AK5: variants seen among roughly 807,000 people sequenced by gnomAD.
AK5 encodes the protein adenylate kinase isoenzyme 5.
A neutral mutation model predicts 69.5 loss-of-function variants in AK5; 27 were observed. That is an observed-to-expected ratio of 0.39 (90% CI 0.29 to 0.54). The LOEUF is 0.54. Ranked by LOEUF, AK5 falls within the 20% of genes least tolerant of loss-of-function variation. AK5 has a pLI of 0.71. For missense variants in AK5, 531 were observed against 700.4 expected, an observed-to-expected ratio of 0.76 and a Z score of 2.73; for synonymous variants, 260 against 244.4, an observed-to-expected ratio of 1.06 and a Z score of -0.60.
intron 5 of AK5, among the ~76,000 whole-genome samples, chr1:77,332,548 T>C (rs1015686268): frequency 4.6e-4 from 70 of 150,612 alleles, no homozygotes; most frequent in African/African-American, 1.6e-3. Flanking sequence ...ATTATTAGTG[T>C]GTCATTTAAT....
At chr1:77,355,261 C>T (rs2100421949) in intron 6 of AK5, among the ~76,000 whole-genome samples, 1 of 152,310 alleles carries the variant, frequency 6.6e-6, no homozygotes. Flanking sequence ...ATTGCTGGCT[C>T]ATTTCATCGG....
At chr1:77,484,336 A>G (rs1251545906) in intron 9 of AK5, among the ~76,000 whole-genome samples, 1 of 152,184 alleles carries the variant, frequency 6.6e-6, no homozygotes, top group African/African-American at 2.4e-5. Flanking sequence ...AAGTTATAAT[A>G]TAAGTCATGG....
At chr1:77,551,568 A>G (rs1659824440) in intron 13 of AK5, among the ~76,000 whole-genome samples, 1 of 152,156 alleles carries the variant, frequency 6.6e-6, no homozygotes, top group Non-Finnish European at 1.5e-5. Flanking sequence ...GAGGTGGGCA[A>G]TGGTCCACTG....
At chr1:77,289,389 G>A (rs950778111) in intron 2 of AK5, among the ~76,000 whole-genome samples, 4 of 152,098 alleles carry the variant, frequency 2.6e-5, no homozygotes, top group African/African-American at 9.7e-5. Context: ...ACTTCCCAGG[G>A]TGTCGTCATA....
chr1:77,351,261 G>C (rs984482004), intron 6 of AK5, among the ~76,000 whole-genome samples: 3 of 152,030 alleles, frequency 2.0e-5, no homozygotes, highest in Admixed American at 6.6e-5. Context: ...TGGGCATGGT[G>C]GTGCACACCT....
intron 5 of AK5, among the ~76,000 whole-genome samples, chr1:77,337,222 A>T (rs756469013): frequency 6.6e-6 from 1 of 152,218 alleles, no homozygotes; most frequent in Non-Finnish European, 1.5e-5. Flanking sequence ...AAAAGACAAA[A>T]TATAGTGATG....
At chr1:77,325,778 T>G (rs2602949) in intron 5 of AK5, among the ~76,000 whole-genome samples, 148,391 of 151,530 alleles carry the variant, frequency 0.98, 72,738 homozygotes, top group Non-Finnish European at 1. Flanking sequence ...TAGTGTGGTA[T>G]TTGGCTCATA....
At chr1:77,461,365 A>T (rs2100676533) in intron 8 of AK5, among the ~76,000 whole-genome samples, 1 of 152,042 alleles carries the variant, frequency 6.6e-6, no homozygotes, top group South Asian at 2.1e-4. Flanking sequence ...TTGATCTCAT[A>T]GAAATAGAAA....
At chr1:77,326,993 C>G (rs1035925413) in intron 5 of AK5, among the ~76,000 whole-genome samples, 4 of 152,068 alleles carry the variant, frequency 2.6e-5, no homozygotes, top group African/African-American at 9.7e-5. Flanking sequence ...GTTCACATAC[C>G]AATAACAGAA....
rs868532445 is a variant in AK5, at chr1:77,377,883, C to T, written c.892-33098C>T. ...ATGCCTTTTCCCCTAGGAGAATGCCCAATGACTCTTTAAGCCTTAACTTGA... is the reference window on the plus strand; with the variant it reads ...ATGCCTTTTCCCCTAGGAGAATGCCTAATGACTCTTTAAGCCTTAACTTGA... On this transcript the variant is annotated intron_variant, in intron 6 of 13. Coordinates refer to ENST00000354567, the MANE Select transcript of AK5 (RefSeq NM_174858.3). Among the ~76,000 whole-genome samples, 17 of 152,312 alleles carry T rather than the reference C, an allele frequency of 1.1e-4. No individual in the cohort carries two copies. In the East Asian group the frequency reaches 2.9e-3, roughly 26 times the overall value.
intron 8 of AK5, among the ~76,000 whole-genome samples, chr1:77,475,368 C>T (rs1261877824): frequency 2.7e-5 from 3 of 112,134 alleles, no homozygotes; most frequent in Non-Finnish European, 5.2e-5. Context: ...TATATATATA[C>T]AAATATATAT....
chr1:77,554,266 A>G (rs1267766356), intron 13 of AK5, among the ~76,000 whole-genome samples: 1 of 152,176 alleles, frequency 6.6e-6, no homozygotes, highest in East Asian at 1.9e-4. Flanking sequence ...CACCTTTATT[A>G]TCTTCCAGTA....
At chr1:77,324,427 A>G (rs1280549487) in intron 5 of AK5, among the ~76,000 whole-genome samples, 1 of 152,080 alleles carries the variant, frequency 6.6e-6, no homozygotes, top group African/African-American at 2.4e-5. Context: ...ATTTATGTGT[A>G]TAAACCAATG....
At chr1:77,391,495 G>GTATATATA (rs753916010) in intron 6 of AK5, among the ~76,000 whole-genome samples, 5 of 63,398 alleles carry the variant, frequency 7.9e-5, no homozygotes, top group Admixed American at 3.7e-4. Context: ...GTGTGTGTGT[G>GTATATATA]TATATATATA....
intron 6 of AK5, among the ~76,000 whole-genome samples, chr1:77,364,436 A>C (rs1418987712): frequency 6.6e-6 from 1 of 152,202 alleles, no homozygotes; most frequent in Admixed American, 6.5e-5. Flanking sequence ...TGTTAACTAT[A>C]GTCATCCTAT....
chr1:77,524,073 T>C (rs1658142192), intron 12 of AK5, among the ~76,000 whole-genome samples: 1 of 152,222 alleles, frequency 6.6e-6, no homozygotes, highest in South Asian at 2.1e-4. Flanking sequence ...CTTAACAAAA[T>C]GTCCACAAGG....
intron 8 of AK5, among the ~76,000 whole-genome samples, chr1:77,440,314 A>G (rs1652246486): frequency 6.6e-6 from 1 of 152,322 alleles, no homozygotes; most frequent in South Asian, 2.1e-4. Context: ...CTTCTGGCCT[A>G]TAAGGTTTCT....
chr1:77,540,948 C>T (rs1265155538), intron 13 of AK5, among the ~76,000 whole-genome samples: 3 of 151,752 alleles, frequency 2.0e-5, no homozygotes, highest in African/African-American at 7.3e-5. Context: ...GCTCTGTCAC[C>T]CAGGCTGGAA....
chr1:77,512,439 A>C (rs979251942), intron 10 of AK5, among the ~76,000 whole-genome samples: 2 of 152,208 alleles, frequency 1.3e-5, no homozygotes, highest in African/African-American at 4.8e-5. Context: ...ACCCCCCTTC[A>C]TTGTAAATAG....
Sources: allele counts gnomAD v4.1 joint callset (sites outside exome capture counted in the v4.1 genomes callset), GRCh38; gene constraint gnomAD v4.1.1; transcripts MANE v1.5; gene names NCBI Gene and HGNC (gene_info 2026-07-23, HGNC 2026-07-21).